Variants in NCKAP5 observed in about 807,000 individuals in gnomAD.
NCKAP5 encodes nck-associated protein 5.
In NCKAP5, 92 loss-of-function variants were observed where a neutral mutation model predicts 167.0. The ratio of observed to expected loss-of-function variants is 0.55; its 90% confidence interval spans 0.47 to 0.66. The LOEUF is 0.66. Ranked by LOEUF, NCKAP5 falls within the 30% of genes least tolerant of loss-of-function variation. The pLI is 0.00. For synonymous variants in NCKAP5, 891 were observed against 877.4 expected (o/e 1.02, Z -0.27); for missense variants, 2,378 against 2,315.0 (o/e 1.03, Z -0.56).
In NCKAP5 at chr2:133,367,885, G is replaced by A. The variant is rs1423226538; in HGVS notation, c.70-64775C>T. Among the ~76,000 whole-genome samples the A allele has an allele frequency of 3.9e-5, 6 of 152,136 alleles. No homozygotes were observed. In the East Asian group the frequency reaches 9.6e-4, roughly 24 times the overall value. ...ACAAACAAAAAAATTGGCTTTCAGA[G>A]CTTTTTGGATGTTAGGATTGTGGCT... On this transcript the variant is annotated intron_variant, in intron 3 of 19. Coordinates refer to ENST00000409261, the MANE Select transcript of NCKAP5 (RefSeq NM_207363.3).
chr2:133,603,827 G>T, the NCKAP5 span, among the ~76,000 whole-genome samples: 2 of 152,134 alleles, frequency 1.3e-5, no homozygotes, highest in African/African-American at 2.4e-5. Flanking sequence ...GTGAGCCACC[G>T]CTCCCAGCCG....
chr2:133,197,681 T>C (rs2085498309), intron 5 of NCKAP5, among the ~76,000 whole-genome samples: 1 of 152,034 alleles, frequency 6.6e-6, no homozygotes, highest in South Asian at 2.1e-4. Flanking sequence ...CTGGGCATGA[T>C]GGCTCATGCC....
At chr2:132,848,817 T>C (rs1263201835) in intron 11 of NCKAP5, among the ~76,000 whole-genome samples, 1 of 152,130 alleles carries the variant, frequency 6.6e-6, no homozygotes, top group African/African-American at 2.4e-5. Flanking sequence ...CTGGGCAACA[T>C]AGTGAGACCT....
At chr2:132,879,531 T>C (rs542173522) in intron 8 of NCKAP5, among the ~76,000 whole-genome samples, 6 of 152,324 alleles carry the variant, frequency 3.9e-5, no homozygotes, top group Non-Finnish European at 8.8e-5. Flanking sequence ...GGTTGACATG[T>C]AGAATAGTAA....
At chr2:133,094,112 G>A (rs1174301713) in intron 6 of NCKAP5, among the ~76,000 whole-genome samples, 1 of 152,228 alleles carries the variant, frequency 6.6e-6, no homozygotes, top group Non-Finnish European at 1.5e-5. Context: ...CAATATGGAA[G>A]TATTTTAATA....
At chr2:133,625,935 C>G in the NCKAP5 span, among the ~76,000 whole-genome samples, 1 of 150,918 alleles carries the variant, frequency 6.6e-6, no homozygotes, top group Non-Finnish European at 1.5e-5. Flanking sequence ...TTTAAATACA[C>G]AAGTTCATAA....
chr2:133,004,542 C>T (rs1242932152), intron 6 of NCKAP5, among the ~76,000 whole-genome samples: 1 of 151,856 alleles, frequency 6.6e-6, no homozygotes, highest in African/African-American at 2.4e-5. Context: ...GAGGGGTGTA[C>T]GAATAGGGAG....
chr2:133,130,108 C>T lies in NCKAP5; in HGVS notation c.211G>A (p.Glu71Lys), dbSNP rs371237210. Residue 71 changes from glutamate to lysine, a missense_variant, in exon 6 of 20, where the codon GAG (glutamate) becomes AAG (lysine). By Grantham distance (56) the Glu-to-Lys change is moderately conservative. Transcript: ENST00000409261. ...TCTTCCAGTTCATGTATCAGCTTCT[C>T]ATGCTATAAAAGACACAAAGGGGAT... ...AQRTSEGAMHEKLIHELEEER... is the reference protein window; with the variant it reads ...AQRTSEGAMHKKLIHELEEER... 6.2e-7 allele frequency: 1 copy of T among 1,607,914 alleles called. No homozygotes were observed.
At chr2:133,405,626 T>G (rs1281988008) in intron 3 of NCKAP5, among the ~76,000 whole-genome samples, 1 of 152,222 alleles carries the variant, frequency 6.6e-6, no homozygotes, top group African/African-American at 2.4e-5. Flanking sequence ...TGATTGATTT[T>G]GGGGTTATAA....
intron 3 of NCKAP5, among the ~76,000 whole-genome samples, chr2:133,467,055 G>C (rs1692655594): frequency 6.6e-6 from 1 of 151,904 alleles, no homozygotes; most frequent in Non-Finnish European, 1.5e-5. Flanking sequence ...TGTTGAATAG[G>C]AGTGGTGAGA....
intron 17 of NCKAP5, among the ~76,000 whole-genome samples, chr2:132,729,409 C>T (rs562273034): frequency 1.4e-3 from 219 of 152,268 alleles, no homozygotes; most frequent in Middle Eastern, 3.4e-3. Context: ...CATAGGGAAC[C>T]CCGATTTTCC....
the NCKAP5 span, among the ~76,000 whole-genome samples, chr2:133,636,770 A>G: frequency 6.6e-6 from 1 of 151,724 alleles, no homozygotes; most frequent in Non-Finnish European, 1.5e-5. Flanking sequence ...CCAAGGGCCT[A>G]GAACCACTCT....
At chr2:133,497,293 A>G (rs1400645840) in intron 3 of NCKAP5, among the ~76,000 whole-genome samples, 1 of 152,240 alleles carries the variant, frequency 6.6e-6, no homozygotes, top group African/African-American at 2.4e-5. Context: ...ACAGCTTATC[A>G]TCTTTTGAGC....
chr2:132,807,952 G>A (rs1685562261), intron 11 of NCKAP5, among the ~76,000 whole-genome samples: 1 of 152,074 alleles, frequency 6.6e-6, no homozygotes. Flanking sequence ...TTTGCTAAGA[G>A]TTTTAATCAT....
At chr2:133,044,279 A>C (rs2079314455) in intron 6 of NCKAP5, among the ~76,000 whole-genome samples, 1 of 152,186 alleles carries the variant, frequency 6.6e-6, no homozygotes, top group Non-Finnish European at 1.5e-5. Context: ...TGTTCATCGA[A>C]AGACGCAAAT....
At chr2:133,543,397 T>G (rs144216684) in intron 2 of NCKAP5, among the ~76,000 whole-genome samples, 234 of 152,284 alleles carry the variant, frequency 1.5e-3, no homozygotes, top group Middle Eastern at 0.01. Context: ...TGGTATTCCT[T>G]TATAGCAATG....
chr2:133,083,128 C>G (rs1015662257), intron 6 of NCKAP5, among the ~76,000 whole-genome samples: 1 of 152,052 alleles, frequency 6.6e-6, no homozygotes, highest in Non-Finnish European at 1.5e-5. Flanking sequence ...AAAACCCAGT[C>G]AACAATATCT....
chr2:132,692,916 G>A (rs894083959), intron 19 of NCKAP5, among the ~76,000 whole-genome samples: 1 of 152,132 alleles, frequency 6.6e-6, no homozygotes, highest in Non-Finnish European at 1.5e-5. Context: ...GAACTGATGT[G>A]GTCAGGGAAC....
At chr2:133,218,432 A>T (rs565513973) in intron 4 of NCKAP5, among the ~76,000 whole-genome samples, 1 of 152,190 alleles carries the variant, frequency 6.6e-6, no homozygotes, top group Non-Finnish European at 1.5e-5. Flanking sequence ...AACTCCACTC[A>T]TGGAAGCTGA....
Sources: allele counts gnomAD v4.1 joint callset (sites outside exome capture counted in the v4.1 genomes callset), GRCh38; gene constraint gnomAD v4.1.1; transcripts MANE v1.5; gene names NCBI Gene and HGNC (gene_info 2026-07-23, HGNC 2026-07-21).